Variants in ADCY2 observed in about 807,000 individuals in gnomAD.
ADCY2 encodes adenylate cyclase type 2.
ADCY2 carries 31 observed loss-of-function variants against 125.2 expected under a neutral mutation model. The ratio of observed to expected loss-of-function variants is 0.25; its 90% CI spans 0.19 to 0.33. The LOEUF (loss-of-function observed/expected upper bound fraction) is 0.33. ADCY2 is among the 10% of genes least tolerant of loss of function. ADCY2 has a pLI of 1.00. For missense variants in ADCY2, 904 were observed against 1,418.2 expected (o/e 0.64, Z 5.82); for synonymous variants, 512 against 548.4 (o/e 0.93, Z 0.93).
chr5:7,521,020 C>T, intron 3 of ADCY2, 121 bp downstream of exon 3: 3 of 1,209,702 alleles, frequency 2.5e-6, no homozygotes, highest in Admixed American at 4.0e-5. Flanking sequence ...CCCTTTCTGC[C>T]CCTTGAGACT....
At position 7,823,430 on chromosome 5, in the gene ADCY2, T is replaced by C. The variant is rs930561395; in HGVS notation, c.3123+2741T>C. Among the ~76,000 whole-genome samples the C allele has an allele frequency of 2.6e-5, 4 of 152,188 alleles. 1 individual carries two copies. Among genetic ancestry groups the C allele is most frequent in the African/African-American group, 7.2e-5 (3 of 41,446 alleles). On this transcript the variant is annotated intron_variant, in intron 24 of 24. Coordinates refer to ENST00000338316, the MANE Select transcript of ADCY2 (RefSeq NM_020546.3). Reference sequence around the variant, plus strand: ...TGTGGTCATCATCTGTGGAGACTGCTCAGTTGCCCAGCCAGAACAAGAATC... The same window carrying C: ...TGTGGTCATCATCTGTGGAGACTGCCCAGTTGCCCAGCCAGAACAAGAATC...
intron 18 of ADCY2, among the ~76,000 whole-genome samples, chr5:7,777,557 T>C (rs1350006200): frequency 6.6e-6 from 1 of 152,218 alleles, no homozygotes; most frequent in Non-Finnish European, 1.5e-5. Context: ...TCTGTTTATA[T>C]CTTTATATTT....
chr5:7,486,330 A>T (rs1472125798), intron 2 of ADCY2, among the ~76,000 whole-genome samples: 1 of 152,264 alleles, frequency 6.6e-6, no homozygotes, highest in African/African-American at 2.4e-5. Flanking sequence ...ACATGCACAC[A>T]CATAAATATG....
Position 7,551,774 on chromosome 5 carries a change from A to G in ADCY2, c.570+30875A>G, listed in dbSNP as rs537284016. Among the ~76,000 whole-genome samples, 6 of 152,298 alleles carry G rather than the reference A, an allele frequency of 3.9e-5. No individual in the cohort carries two copies. The South Asian group carries it at 1.2e-3, about 32-fold the overall frequency. On this transcript the variant is annotated intron_variant, in intron 3 of 24. Transcript: ENST00000338316. Reference sequence around the variant, plus strand: ...AGAGATGCCATAGATCTTTTTTATCACATACTACTAGATATGTTTCTTTGA... The same window carrying G: ...AGAGATGCCATAGATCTTTTTTATCGCATACTACTAGATATGTTTCTTTGA...
At chr5:7,410,499 A>C (rs1168562300) in intron 1 of ADCY2, among the ~76,000 whole-genome samples, 2 of 152,184 alleles carry the variant, frequency 1.3e-5, no homozygotes, top group Non-Finnish European at 2.9e-5. Context: ...CGGAAAATGC[A>C]TGGAAAATGA....
chr5:7,500,505 C>T (rs79581667), intron 2 of ADCY2, among the ~76,000 whole-genome samples: 30 of 152,258 alleles, frequency 2.0e-4, no homozygotes, highest in African/African-American at 7.2e-4. Flanking sequence ...CAGTGTGTCC[C>T]CGTGCTATGA....
chr5:7,541,312 A>G (rs1479431900), intron 3 of ADCY2, among the ~76,000 whole-genome samples: 1 of 152,252 alleles, frequency 6.6e-6, no homozygotes, highest in Non-Finnish European at 1.5e-5. Flanking sequence ...AAATCAGCAG[A>G]TGGTGTGAAA....
intron 15 of ADCY2, among the ~76,000 whole-genome samples, chr5:7,751,212 TAAC>T (rs1393260892): frequency 7.9e-5 from 12 of 152,210 alleles, no homozygotes; most frequent in Non-Finnish European, 1.8e-4. Context: ...TATTTTTCCT[TAAC>T]AACTCACTCA....
chr5:7,795,510 T>G (rs959381705), intron 20 of ADCY2: 4 of 152,180 alleles, frequency 2.6e-5, no homozygotes, highest in African/African-American at 9.7e-5. Flanking sequence ...TGGTGCTGAG[T>G]GCTCAGTGCC....
rs756264519 is a variant in ADCY2 at position 7,709,217 on chromosome 5, C to G, written c.1408C>G (p.Arg470Gly). The G allele has an allele frequency of 1.0e-4, 164 of 1,607,776 alleles. No homozygotes were observed. The highest frequency in any genetic ancestry group is 1.4e-4 in the Non-Finnish European group (161 of 1,177,152). ...CTTTGTTTCTCACCCCAAGGGAGAA[C>G]GACGGAGCCCCCAGCATCTCTTCAG... ...TYFVINPKGE[R>G]RSPQHLFRPR... The change falls in exon 10 of 25, where the codon CGA (arginine) becomes GGA (glycine). Residue 470 changes from arginine (R) to glycine (G), a missense_variant. Transcript: ENST00000338316. This position sits in a 1 kb window ranked among gnomAD's most constrained non-coding sequence, Gnocchi z 4.4.
chr5:7,690,450 A>G (rs954026783), intron 4 of ADCY2: 8 of 324,136 alleles, frequency 2.5e-5, no homozygotes, highest in Non-Finnish European at 4.4e-5. Flanking sequence ...GCATCCCTTT[A>G]TTCTTCATAC....
At chr5:7,539,212 G>A (rs1033281823) in intron 3 of ADCY2, among the ~76,000 whole-genome samples, 3 of 152,062 alleles carry the variant, frequency 2.0e-5, no homozygotes, top group Admixed American at 1.3e-4. Flanking sequence ...TCAGAGTACA[G>A]TTTTGATAAA....
intron 4 of ADCY2, among the ~76,000 whole-genome samples, chr5:7,687,203 C>T (rs900642076): frequency 6.6e-6 from 1 of 152,154 alleles, no homozygotes; most frequent in Non-Finnish European, 1.5e-5. Flanking sequence ...AGTCAGTCAT[C>T]CTTCTACATT....
chr5:7,405,144 G>A (rs1739427314), intron 1 of ADCY2, among the ~76,000 whole-genome samples: 1 of 152,150 alleles, frequency 6.6e-6, no homozygotes, highest in South Asian at 2.1e-4. Flanking sequence ...GGAATGTCAA[G>A]CATACATGGG....
intron 3 of ADCY2, among the ~76,000 whole-genome samples, chr5:7,589,251 G>T (rs886453660): frequency 6.6e-6 from 1 of 151,680 alleles, no homozygotes; most frequent in Admixed American, 6.6e-5. Flanking sequence ...TTAGTAAAAG[G>T]CTAGGGAAAA....
At chr5:7,599,065 G>A (rs916299719) in intron 3 of ADCY2, among the ~76,000 whole-genome samples, 18 of 152,184 alleles carry the variant, frequency 1.2e-4, no homozygotes, top group African/African-American at 4.3e-4. Context: ...ATGGATTTGT[G>A]TAGGGACAGC....
At chr5:7,484,720 C>T (rs1393122551) in intron 2 of ADCY2, among the ~76,000 whole-genome samples, 1 of 152,186 alleles carries the variant, frequency 6.6e-6, no homozygotes, top group Non-Finnish European at 1.5e-5. Context: ...GCCAGCTTCT[C>T]TTGGGTACCA....
intron 2 of ADCY2, among the ~76,000 whole-genome samples, chr5:7,476,647 C>T (rs1221006378): frequency 6.6e-6 from 1 of 152,102 alleles, no homozygotes; most frequent in Non-Finnish European, 1.5e-5. Flanking sequence ...TGAAGAGATC[C>T]AGATTTCCCA....
intron 16 of ADCY2, among the ~76,000 whole-genome samples, chr5:7,760,784 C>G (rs1183294998): frequency 6.6e-6 from 1 of 152,166 alleles, no homozygotes; most frequent in Non-Finnish European, 1.5e-5. Context: ...TCTACTCCCT[C>G]AGCAAATCTT....
Sources: allele counts gnomAD v4.1 joint callset (sites outside exome capture counted in the v4.1 genomes callset), GRCh38; gene constraint gnomAD v4.1.1; non-coding constraint Gnocchi (gnomAD v3.1); transcripts MANE v1.5; gene names NCBI Gene and HGNC (gene_info 2026-07-23, HGNC 2026-07-21).